Variants in ABCA10 observed in about 807,000 individuals in gnomAD.
ABCA10 encodes ATP binding cassette subfamily A member 10.
A neutral mutation model predicts 187.5 loss-of-function variants in ABCA10; 169 were observed. That is an observed-to-expected ratio of 0.90 (90% confidence interval 0.80 to 1.02). The LOEUF (loss-of-function observed/expected upper bound fraction) is 1.02. Ranked by LOEUF, ABCA10 falls within the 50% of genes least tolerant of loss-of-function variation. The pLI is 0.00. For synonymous variants in ABCA10, 574 were observed against 601.8 expected, an observed-to-expected ratio of 0.95 and a Z score of 0.68; for missense variants, 1,727 against 1,812.4, an observed-to-expected ratio of 0.95 and a Z score of 0.86.
intron 16 of ABCA10, among the ~76,000 whole-genome samples, 185 bp from the exon 17 acceptor site, chr17:69,191,500 G>T (rs1401942110): frequency 6.6e-6 from 1 of 152,074 alleles, no homozygotes; most frequent in African/African-American, 2.4e-5. Flanking sequence ...GTGCTAATTG[G>T]TAGCCTATTT....
At chr17:69,190,719 G>T (rs937531711) in intron 17 of ABCA10, among the ~76,000 whole-genome samples, 1 of 151,708 alleles carries the variant, frequency 6.6e-6, no homozygotes. Flanking sequence ...TGCTGTGTGT[G>T]TTTGTATAAG....
At chr17:69,177,993 T>TTATA (rs72337114) in intron 22 of ABCA10, among the ~76,000 whole-genome samples, 9 of 110,178 alleles carry the variant, frequency 8.2e-5, no homozygotes, top group Non-Finnish European at 1.7e-4. Flanking sequence ...TATATATATG[T>TTATA]TATATATATA....
At chr17:69,235,088 G>T (rs1244643858) in intron 1 of ABCA10, 1 of 152,144 alleles carries the variant, frequency 6.6e-6, no homozygotes, top group Non-Finnish European at 1.5e-5. Context: ...TGAGACTATG[G>T]TTACATCTTT....
At chr17:69,207,327 A>C (rs1301951973) in intron 9 of ABCA10, among the ~76,000 whole-genome samples, 1 of 152,180 alleles carries the variant, frequency 6.6e-6, no homozygotes, top group South Asian at 2.1e-4. Flanking sequence ...GAAAAATATG[A>C]TGAAGGTTCC....
At chr17:69,228,907 A>T (rs888118418), upstream of ABCA10, 2 of 151,932 alleles carry the variant, frequency 1.3e-5, no homozygotes, top group Middle Eastern at 3.2e-3. Flanking sequence ...AAAAAGAAAA[A>T]CCCACATATT....
chr17:69,219,289 C>G (rs959088039), intron 6 of ABCA10, among the ~76,000 whole-genome samples: 1 of 152,022 alleles, frequency 6.6e-6, no homozygotes, highest in African/African-American at 2.4e-5. Flanking sequence ...TGCTTGAGGT[C>G]GTGGGGTTTG....
At position 69,175,505 on chromosome 17, in the gene ABCA10, T is replaced by A; in HGVS notation, c.2778A>T (p.Ile926=). The change falls in exon 23 of 39, where the codon ATA becomes ATT. Residue 926 remains isoleucine (I), a synonymous_variant. Coordinates refer to ENST00000690296, the MANE Select transcript of ABCA10 (RefSeq NM_001377321.1). ...CATCTATAAAACCAAGATCCAGCAC[T>A]ATGTCATCCTGAAAGATGAAAACAC... ...MESTSFSRDD[I]VLDLGFIDGS... 1 of 1,606,056 alleles carries A rather than the reference T, an allele frequency of 6.2e-7. No homozygotes were observed. Among genetic ancestry groups the A allele is most frequent in the South Asian group, 1.1e-5 (1 of 89,450 alleles).
intron 22 of ABCA10, among the ~76,000 whole-genome samples, chr17:69,180,232 G>GT (rs1479102187): frequency 4.6e-5 from 7 of 152,154 alleles, no homozygotes; most frequent in African/African-American, 1.7e-4. Context: ...TGCCATAATG[G>GT]TAACAAACGG....
intron 14 of ABCA10, 87 bp from the exon 15 acceptor site, chr17:69,193,335 A>C: frequency 1.3e-6 from 2 of 1,545,792 alleles, no homozygotes; most frequent in Non-Finnish European, 1.7e-6. Context: ...TGATTTCTAG[A>C]CTCAAATACA....
At chr17:69,236,037 G>T (rs1598133454) in intron 1 of ABCA10, among the ~76,000 whole-genome samples, 2 of 152,216 alleles carry the variant, frequency 1.3e-5, no homozygotes, top group East Asian at 3.9e-4. Flanking sequence ...ATCCTCAGCT[G>T]CATGGGAATA....
intron 9 of ABCA10, among the ~76,000 whole-genome samples, chr17:69,203,219 A>G (rs1311901293): frequency 1.3e-5 from 2 of 152,194 alleles, no homozygotes; most frequent in Non-Finnish European, 2.9e-5. Context: ...AAATATGTAA[A>G]CAGATCTAGA....
At position 69,164,170 on chromosome 17, in the gene ABCA10, C is replaced by A. The variant is rs762279085; in HGVS notation, c.3283-16G>T. ...TAAAGTCGAGCTGAAAAAAAACCCA[C>A]CAACAGTTAAATGCAAGTTTCTCTA... is the stretch of plus-strand genomic sequence containing the variant. On this transcript the variant is annotated splice_polypyrimidine_tract_variant and intron_variant, in intron 26 of 38. Transcript: ENST00000690296. 53 of 1,563,738 alleles carry A rather than the reference C, an allele frequency of 3.4e-5. No homozygotes were observed. Among genetic ancestry groups the A allele is most frequent in the Non-Finnish European group, 4.1e-5 (48 of 1,162,742 alleles).
At chr17:69,238,603 G>A (rs1384583464) in intron 1 of ABCA10, among the ~76,000 whole-genome samples, 1 of 152,134 alleles carries the variant, frequency 6.6e-6, no homozygotes, top group African/African-American at 2.4e-5. Flanking sequence ...TGAGTCTTTG[G>A]ACTTGTGTCA....
At chr17:69,209,654 T>TA (rs2074621798) in intron 9 of ABCA10, among the ~76,000 whole-genome samples, 1 of 152,184 alleles carries the variant, frequency 6.6e-6, no homozygotes, top group Non-Finnish European at 1.5e-5. Context: ...GAGGAAAACA[T>TA]AGATTTTTTA....
At chr17:69,162,838 C>CATAT (rs376385505) in intron 27 of ABCA10, among the ~76,000 whole-genome samples, 77 of 120,752 alleles carry the variant, frequency 6.4e-4, no homozygotes, top group Middle Eastern at 3.8e-3. Flanking sequence ...TATACATATA[C>CATAT]ATATATATAT....
At chr17:69,187,924 A>G (rs1305533873) in intron 18 of ABCA10, 45 bp from the exon 19 acceptor site, 1 of 1,562,586 alleles carries the variant, frequency 6.4e-7, no homozygotes, top group African/African-American at 1.4e-5. Flanking sequence ...TGTTATCTGA[A>G]CTTTCTCTTT....
intron 6 of ABCA10, among the ~76,000 whole-genome samples, chr17:69,218,765 C>G (rs1234305742): frequency 6.6e-6 from 1 of 152,178 alleles, no homozygotes; most frequent in Non-Finnish European, 1.5e-5. Context: ...CATATTGCCT[C>G]ATTTAATCCT....
At chr17:69,157,837 G>A (rs188676205) in intron 27 of ABCA10, among the ~76,000 whole-genome samples, 57 of 151,920 alleles carry the variant, frequency 3.8e-4, no homozygotes, top group Non-Finnish European at 1.6e-4. Flanking sequence ...TTAGATGATT[G>A]AAGACATAAA....
chr17:69,155,086 C>A lies in ABCA10; in HGVS notation c.3627G>T (p.Lys1209Asn). The A allele has an allele frequency of 6.2e-7, 1 of 1,613,000 alleles. No individual in the cohort carries two copies. Among genetic ancestry groups the A allele is most frequent in the Non-Finnish European group, 8.5e-7 (1 of 1,179,378 alleles). ...SCLHKEYYET[K>N]KSCFSTRKKK... Reference sequence around the variant, plus strand: ...TCTTTCTTGTTGAAAAGCAACTTTTCTTTGTCTCATAATATTCCTTGTGTA... The same window carrying A: ...TCTTTCTTGTTGAAAAGCAACTTTTATTTGTCTCATAATATTCCTTGTGTA... The change falls in exon 30 of 39, where the codon AAG becomes AAT. Residue 1209 changes from lysine to asparagine, a missense_variant. Transcript: ENST00000690296.
Sources: gnomAD v4.1 joint callset for allele counts (sites outside exome capture counted in the v4.1 genomes callset) on GRCh38, gnomAD v4.1.1 for gene constraint, MANE v1.5 for transcripts, NCBI Gene and HGNC (gene_info 2026-07-23, HGNC 2026-07-21) for gene names.